The following SLC12A8 variants were observed in gnomAD, a reference collection of about 807,000 sequenced individuals.
The protein encoded by SLC12A8 is cation-chloride cotransporter 9.
Under a neutral mutation model 75.6 loss-of-function variants are expected in SLC12A8, and 69 were observed. That is an observed-to-expected ratio of 0.91 (90% CI 0.75 to 1.11). The LOEUF is 1.11. Ranked by LOEUF, SLC12A8 falls within the 50% of genes most tolerant of loss-of-function variation. SLC12A8 has a pLI of 0.00. For synonymous variants in SLC12A8, 365 were observed against 372.8 expected (o/e 0.98, Z 0.24); for missense variants, 877 against 896.7 (o/e 0.98, Z 0.28).
chr3:125,092,228 A>T (rs913229711), intron 10 of SLC12A8, 30 bp from the exon 11 acceptor site: 2 of 1,502,132 alleles, frequency 1.3e-6, no homozygotes, highest in Admixed American at 1.7e-5. Flanking sequence ...TTGGCTGCCA[A>T]ATTGCTATCA....
intron 10 of SLC12A8, among the ~76,000 whole-genome samples, chr3:125,103,181 T>C (rs553070222): frequency 3.3e-5 from 5 of 152,034 alleles, no homozygotes; most frequent in Non-Finnish European, 5.9e-5. Context: ...TAAATGAACA[T>C]CTATACCCTA....
intron 13 of SLC12A8, among the ~76,000 whole-genome samples, chr3:125,087,011 C>T (rs1185621141): frequency 6.6e-6 from 1 of 151,824 alleles, no homozygotes; most frequent in Non-Finnish European, 1.5e-5. Flanking sequence ...AGCACAGCAA[C>T]GTGAATGTCC....
chr3:125,180,647 C>T (rs867263204), intron 4 of SLC12A8, among the ~76,000 whole-genome samples: 1 of 152,054 alleles, frequency 6.6e-6, no homozygotes, highest in East Asian at 1.9e-4. Flanking sequence ...GCTGAGATCA[C>T]GCCACCGCAC....
intron 9 of SLC12A8, among the ~76,000 whole-genome samples, chr3:125,109,092 G>A (rs759028930): frequency 2.0e-5 from 3 of 152,106 alleles, no homozygotes; most frequent in Admixed American, 6.6e-5. Flanking sequence ...AGTCCTCTTC[G>A]AAACACTTTC....
At chr3:125,091,870 A>G (rs1166695205) in intron 11 of SLC12A8, among the ~76,000 whole-genome samples, 1 of 152,242 alleles carries the variant, frequency 6.6e-6, no homozygotes, top group African/African-American at 2.4e-5. Context: ...AAAATTTAGT[A>G]ACCCAGAAGT....
chr3:125,084,015 G>T lies in SLC12A8; in HGVS notation c.2020C>A (p.Pro674Thr). Reference protein sequence around the residue: ...RSPQEQIILAPSLAKVDMEMT... With the variant: ...RSPQEQIILATSLAKVDMEMT... Reference sequence around the variant, plus strand: ...TCCATGTCAACCTTAGCCAGGGACGGCGCCAAGATGATCTGCTCCTGAGGG... The same window carrying T: ...TCCATGTCAACCTTAGCCAGGGACGTCGCCAAGATGATCTGCTCCTGAGGG... Residue 674 changes from proline (P) to threonine (T), a missense_variant, in exon 14 of 14, where the codon CCG becomes ACG. Pro to Thr is a conservative substitution (Grantham distance 38). Transcript: ENST00000469902. The T allele has an allele frequency of 6.2e-7, 1 of 1,613,068 alleles. No individual in the cohort carries two copies. The highest frequency in any genetic ancestry group is 8.5e-7 in the Non-Finnish European group (1 of 1,179,600).
In SLC12A8 at chr3:125,187,338, C is replaced by T. The variant is rs771479471; in HGVS notation, c.289G>A (p.Glu97Lys). The T allele has an allele frequency of 5.0e-6, 8 of 1,614,122 alleles. No individual in the cohort carries two copies. The highest frequency in any genetic ancestry group is 4.2e-6 in the Non-Finnish European group (5 of 1,180,054). ...VTVLSGIGVG[E>K]RSSIGSGGVY... The stretch of plus-strand genomic sequence containing the variant: ...CCACCGCTGCCGATGCTGCTGCGCT[C>T]CCCGACGCCAATGCCAGACAGCACC... Residue 97 changes from glutamate (E) to lysine (K), a missense_variant, in exon 4 of 14, where the codon GAG (glutamate) becomes AAG (lysine). Physicochemically the swap from Glu to Lys is moderately conservative, Grantham distance 56. Transcript: ENST00000469902.
chr3:125,118,586 A>G (rs935007070), intron 8 of SLC12A8, among the ~76,000 whole-genome samples, 183 bp downstream of exon 8: 7 of 152,194 alleles, frequency 4.6e-5, no homozygotes, highest in Non-Finnish European at 1.0e-4. Flanking sequence ...CTGAGATTGC[A>G]ACACTGCACT....
At chr3:125,139,313 G>C (rs1226616350) in intron 5 of SLC12A8, among the ~76,000 whole-genome samples, 1 of 152,166 alleles carries the variant, frequency 6.6e-6, no homozygotes, top group African/African-American at 2.4e-5. Context: ...TATTCAGAGA[G>C]AATTTTCTAA....
Position 125,206,360 on chromosome 3 carries a change from T to A in SLC12A8, c.51+4939A>T, listed in dbSNP as rs147240421. ...TTGCTCTGGGCAAGTCACTCAATATTTACGTCCTCCTGGACCCACTATTGC... is the reference window on the plus strand; with the variant it reads ...TTGCTCTGGGCAAGTCACTCAATATATACGTCCTCCTGGACCCACTATTGC... On this transcript the variant is annotated intron_variant, in intron 2 of 13. Transcript: ENST00000469902. Among the ~76,000 whole-genome samples, 84 of 152,310 alleles carry A rather than the reference T, an allele frequency of 5.5e-4. No individual in the cohort carries two copies. In the Middle Eastern group the frequency reaches 0.01, roughly 19 times the overall value.
At chr3:125,119,015 T>C (rs1932980845) in intron 7 of SLC12A8, 159 bp from the exon 8 acceptor site, 3 of 545,528 alleles carry the variant, frequency 5.5e-6, no homozygotes, top group Admixed American at 6.5e-5. Context: ...GGACACTTTT[T>C]GTACTATTTC....
At chr3:125,148,145 A>G (rs1001437619) in intron 5 of SLC12A8, among the ~76,000 whole-genome samples, 49 of 152,178 alleles carry the variant, frequency 3.2e-4, no homozygotes, top group African/African-American at 1.2e-3. Flanking sequence ...GTCTCTGACA[A>G]CTGTAGTATA....
At chr3:125,085,908 TTTC>T (rs1386318334) in intron 13 of SLC12A8, among the ~76,000 whole-genome samples, 9 of 132,162 alleles carry the variant, frequency 6.8e-5, no homozygotes, top group South Asian at 4.5e-4. Context: ...ACCATTTTTT[TTTC>T]TTTTTTTTTT....
chr3:125,128,798 T>C (rs999950789), intron 6 of SLC12A8, among the ~76,000 whole-genome samples: 2 of 151,988 alleles, frequency 1.3e-5, no homozygotes, highest in Non-Finnish European at 2.9e-5. Flanking sequence ...GTCCTCTCAC[T>C]CACAAGACAC....
At chr3:125,097,529 TG>T (rs1237337019) in intron 10 of SLC12A8, among the ~76,000 whole-genome samples, 51 of 300 alleles carry the variant, frequency 0.17, no homozygotes, top group African/African-American at 0.26. Flanking sequence ...TAAAGGGAAT[TG>T]TGTGTGTGTG....
chr3:125,094,790 G>T (rs1200127014), intron 10 of SLC12A8, among the ~76,000 whole-genome samples: 37 of 152,116 alleles, frequency 2.4e-4, no homozygotes, highest in Admixed American at 2.4e-3. Context: ...TCTTATGATT[G>T]TATCTACTTT....
chr3:125,150,930 A>G (rs565129013), intron 5 of SLC12A8, among the ~76,000 whole-genome samples: 1 of 152,198 alleles, frequency 6.6e-6, no homozygotes, highest in African/African-American at 2.4e-5. Context: ...ACTTCTTACA[A>G]TCCAGATTCC....
Position 125,141,442 on chromosome 3 carries a change from G to A in SLC12A8, c.623-5660C>T, listed in dbSNP as rs1478226925. ...AGTGGGACTGAGAACTGCTCCAGCA[G>A]GGCTGCTTGGGGTGCCCAGCAGCCG... On this transcript the variant is annotated intron_variant, in intron 5 of 13. Transcript: ENST00000469902. 3.5e-4 allele frequency among the ~76,000 whole-genome samples: 54 copies of A among 152,308 alleles called. 1 individual carries two copies. Among genetic ancestry groups the A allele is most frequent in the Non-Finnish European group, 2.9e-5 (2 of 68,022 alleles).
intron 4 of SLC12A8, among the ~76,000 whole-genome samples, chr3:125,178,501 G>A (rs1038913423): frequency 6.6e-6 from 1 of 152,070 alleles, no homozygotes; most frequent in African/African-American, 2.4e-5. Context: ...GCTACCCAAG[G>A]ACTATCTAGG....
Sources: allele counts gnomAD v4.1 joint callset (sites outside exome capture counted in the v4.1 genomes callset), GRCh38; gene constraint gnomAD v4.1.1; transcripts MANE v1.5; gene names NCBI Gene and HGNC (gene_info 2026-07-23, HGNC 2026-07-21).